Variants in ACAN observed in about 807,000 individuals in gnomAD.
The protein encoded by ACAN is aggrecan core protein.
Under a neutral mutation model 169.1 loss-of-function variants are expected in ACAN, and 47 were observed. The ratio of observed to expected loss-of-function variants is 0.28; its 90% CI spans 0.22 to 0.35. ACAN has a LOEUF of 0.35. Among genes scored for constraint, ACAN ranks in the 10% least tolerant of loss-of-function variants. ACAN has a pLI of 1.00. For synonymous variants in ACAN, 1,115 were observed against 1,112.2 expected, an observed-to-expected ratio of 1.00 and a Z score of -0.05; for missense variants, 2,716 against 2,759.9, an observed-to-expected ratio of 0.98 and a Z score of 0.36.
chr15:88,821,835 G>A (rs866610802), intron 1 of ACAN, among the ~76,000 whole-genome samples: 1 of 152,110 alleles, frequency 6.6e-6, no homozygotes, highest in Non-Finnish European at 1.5e-5. Context: ...TTGCTAGAAG[G>A]GCTCACAGAA....
Position 88,868,127 on chromosome 15 carries a change from C to G in ACAN, c.6947-89C>G, listed in dbSNP as rs1897309790. On this transcript the variant is annotated intron_variant, in intron 13 of 18. Coordinates refer to ENST00000560601, the MANE Select transcript of ACAN (RefSeq NM_001369268.1). This position sits in a 1 kb window ranked among gnomAD's most constrained non-coding sequence, Gnocchi z 5.2. ...TCCCTCCCAGGGGTCTGGAGAGCAG[C>G]AGGACTGGCCACTCAAAAGGAGGCC... The G allele has an allele frequency of 4.6e-6, 3 of 647,478 alleles. No individual in the cohort carries two copies. The East Asian group carries it at 8.2e-5, about 18-fold the overall frequency. The allele number at this position is 647,478 out of a possible 1,614,324, so 40.1% of individuals were successfully genotyped here. A position where few individuals can be genotyped will look rare whatever the true frequency, so the allele number is the denominator to read the frequency against.
intron 1 of ACAN, among the ~76,000 whole-genome samples, chr15:88,833,098 C>A (rs1286882702): frequency 6.6e-6 from 1 of 152,284 alleles, no homozygotes; most frequent in South Asian, 2.1e-4. Context: ...CCTGTTCAAT[C>A]CCATAATTTG....
At chr15:88,844,334 C>G (rs1428597897) in intron 6 of ACAN, among the ~76,000 whole-genome samples, 1 of 130,376 alleles carries the variant, frequency 7.7e-6, no homozygotes, top group Non-Finnish European at 1.6e-5. Context: ...GGGGTCTTGT[C>G]ATGTTGCCCA....
rs961426109 is a variant in ACAN, at chr15:88,839,018, C to T, written c.426C>T (p.Ser142=). ...AGGTGATGCATGGCATCGAGGACAG[C>T]GAGGCCACCCTGGAAGTCGTGGTGA... ...RCEVMHGIED[S]EATLEVVVKG... is the part of the protein sequence containing the mutation. The change falls in exon 3 of 19, where the codon AGC becomes AGT. Residue 142 remains serine (S), a synonymous_variant. Coordinates refer to ENST00000560601, the MANE Select transcript of ACAN (RefSeq NM_001369268.1). This position sits in a 1 kb window ranked among gnomAD's most constrained non-coding sequence, Gnocchi z 4.5. 16 of 1,606,474 alleles carry T rather than the reference C, an allele frequency of 1.0e-5. No individual in the cohort carries two copies. Among genetic ancestry groups the T allele is most frequent in the Non-Finnish European group, 1.4e-5 (16 of 1,179,800 alleles).
chr15:88,819,541 T>C (rs1360503676), intron 1 of ACAN, among the ~76,000 whole-genome samples: 3 of 150,456 alleles, frequency 2.0e-5, no homozygotes, highest in East Asian at 3.9e-4. Context: ...GGTGGGGGAA[T>C]TGCTTGAAGT....
chr15:88,863,305 A>G (rs1449249651), intron 13 of ACAN, among the ~76,000 whole-genome samples: 2 of 152,222 alleles, frequency 1.3e-5, no homozygotes, highest in Non-Finnish European at 2.9e-5. Context: ...TCCATTACTG[A>G]CATCACCCAA....
Position 88,838,476 on chromosome 15 carries a change from G to GAA in ACAN, c.71-185_71-184dup, listed in dbSNP as rs1567174667. ...AGGGGTCTTGAGGAACACTGCTCTG[G>GAA]AAAGGGCGTGGCAAGCCTTTCTGGG... is the stretch of plus-strand genomic sequence containing the variant. On this transcript the variant is annotated intron_variant, in intron 2 of 18. Transcript: ENST00000560601. The surrounding 1 kb of genome is among the most constrained non-coding windows in gnomAD (Gnocchi z 5.1). Among the ~76,000 whole-genome samples, 2 of 152,146 alleles carry GAA rather than the reference G, an allele frequency of 1.3e-5. No homozygotes were observed. Among genetic ancestry groups the GAA allele is most frequent in the African/African-American group, 4.8e-5 (2 of 41,420 alleles).
Position 88,823,413 on chromosome 15 carries a change from G to GT in ACAN, c.-7-12776dup, listed in dbSNP as rs111670752. Among the ~76,000 whole-genome samples the GT allele has an allele frequency of 7.6e-4, 113 of 148,156 alleles. 2 individuals are homozygous for GT. The highest frequency in any genetic ancestry group is 1.7e-3 in the South Asian group (8 of 4,656). Reference sequence around the variant, plus strand: ...TGGTACTAGTTTTGGTTTTTTGGTGGTTTTTTTTTTTCTTGTTTTTTCTCA... The same window carrying GT: ...TGGTACTAGTTTTGGTTTTTTGGTGGTTTTTTTTTTTTCTTGTTTTTTCTCA... On this transcript the variant is annotated intron_variant, in intron 1 of 18. Coordinates refer to ENST00000560601, the MANE Select transcript of ACAN (RefSeq NM_001369268.1).
chr15:88,854,915 C>A lies in ACAN; in HGVS notation c.2330C>A (p.Ala777Glu). The A allele has an allele frequency of 6.3e-7, 1 of 1,583,696 alleles. No individual in the cohort carries two copies. Among genetic ancestry groups the A allele is most frequent in the Non-Finnish European group, 8.6e-7 (1 of 1,167,326 alleles). Residue 777 changes from alanine to glutamate, a missense_variant, in exon 12 of 19, where the codon GCA becomes GAA. Transcript: ENST00000560601. ...GAGGAAAGTACAGAAGGCCCTTCTG[C>A]AACTGAAGTGCCCTCTGCCTCAGAG... ...ATEESTEGPS[A>E]TEVPSASEEP...
chr15:88,850,305 T>C (rs1896902804), intron 10 of ACAN: 1 of 168,916 alleles, frequency 5.9e-6, no homozygotes, highest in African/African-American at 2.4e-5. Flanking sequence ...CACTGGTGGT[T>C]CAAGTTTTTC....
At chr15:88,848,943 G>A (rs1168149045) in intron 9 of ACAN, among the ~76,000 whole-genome samples, 1 of 152,228 alleles carries the variant, frequency 6.6e-6, no homozygotes, top group Admixed American at 6.5e-5. Flanking sequence ...ATAGGTATCA[G>A]GTACATCGCT....
At chr15:88,850,074 G>A in intron 10 of ACAN, 1 of 586,020 alleles carries the variant, frequency 1.7e-6, no homozygotes, top group South Asian at 2.2e-5. Context: ...AGAGCTGCAA[G>A]AATTAATTAA....
chr15:88,845,511 A>T lies in ACAN; in HGVS notation c.1058A>T (p.Asp353Val), dbSNP rs1000707476. The change falls in exon 7 of 19, where the codon GAC (aspartate) becomes GTC (valine). Residue 353 changes from aspartate to valine, a missense_variant. Around this residue, in one of 3 missense-constraint regions of ACAN, gnomAD observed 1,283 missense variants for 1,281.5 expected, o/e 1.00. Coordinates refer to ENST00000560601, the MANE Select transcript of ACAN (RefSeq NM_001369268.1). ...RYDAICYTGE[D>V]FVDIPENFFG... ...GTCTTTGCCCCTCCCCTAGGTGAAG[A>T]CTTTGTGGACATCCCAGAAAACTTC... 8 of 1,604,446 alleles carry T rather than the reference A, an allele frequency of 5.0e-6. No individual in the cohort carries two copies. The African/African-American group carries it at 1.1e-4, about 21-fold the overall frequency.
chr15:88,874,082 T>G lies in ACAN; in HGVS notation c.7630+58T>G. On this transcript the variant is annotated intron_variant, in intron 18 of 18. Coordinates refer to ENST00000560601, the MANE Select transcript of ACAN (RefSeq NM_001369268.1). The surrounding 1 kb of genome is among the most constrained non-coding windows in gnomAD (Gnocchi z 7.3). Reference sequence around the variant, plus strand: ...AGGGTTAGATTCTGCCAGCACAGCCTTCCCCCCGTCCCCTCTCCTGGGGAC... The same window carrying G: ...AGGGTTAGATTCTGCCAGCACAGCCGTCCCCCCGTCCCCTCTCCTGGGGAC... 5 of 1,588,832 alleles carry G rather than the reference T, an allele frequency of 3.1e-6. No homozygotes were observed. The highest frequency in any genetic ancestry group is 4.3e-6 in the Non-Finnish European group (5 of 1,172,846).
chr15:88,835,320 G>C (rs1236518787), intron 1 of ACAN, among the ~76,000 whole-genome samples: 1 of 152,048 alleles, frequency 6.6e-6, no homozygotes, highest in African/African-American at 2.4e-5. Context: ...TGGGCCTGAA[G>C]GACTGTGTTA....
intron 1 of ACAN, among the ~76,000 whole-genome samples, chr15:88,825,527 G>T (rs1473288197): frequency 6.6e-6 from 1 of 152,186 alleles, no homozygotes; most frequent in African/African-American, 2.4e-5. Flanking sequence ...CCACCTTCTA[G>T]TGTACCATGT....
At chr15:88,803,958 C>T (rs1167247814) in intron 1 of ACAN, 149 bp downstream of exon 1, 1 of 152,382 alleles carries the variant, frequency 6.6e-6, no homozygotes, top group Non-Finnish European at 1.5e-5. Flanking sequence ...AGCACATCCA[C>T]CGGCTGCGTC....
intron 5 of ACAN, among the ~76,000 whole-genome samples, chr15:88,842,098 C>T (rs1468716751): frequency 3.3e-5 from 5 of 152,188 alleles, no homozygotes; most frequent in African/African-American, 1.2e-4. Flanking sequence ...TGTCTGATGT[C>T]GCCACTGGAC....
intron 1 of ACAN, among the ~76,000 whole-genome samples, chr15:88,821,702 C>T (rs1896080100): frequency 6.6e-6 from 1 of 152,116 alleles, no homozygotes; most frequent in Non-Finnish European, 1.5e-5. Context: ...CTGAAGGATG[C>T]CCATGGGATG....
Sources: gnomAD v4.1 joint callset for allele counts (sites outside exome capture counted in the v4.1 genomes callset) on GRCh38, gnomAD v4.1.1 for gene constraint, gnomAD v4.1.1 regional missense constraint, Gnocchi (gnomAD v3.1) non-coding constraint, MANE v1.5 for transcripts, NCBI Gene and HGNC (gene_info 2026-07-23, HGNC 2026-07-21) for gene names.